Variants in KAZN observed in about 807,000 individuals in gnomAD.
The protein encoded by KAZN is kazrin.
In KAZN, 40 loss-of-function variants were observed where a neutral mutation model predicts 87.4. The observed-to-expected ratio is 0.46, with a 90% CI of 0.36 to 0.60. KAZN has a LOEUF of 0.60. Among genes scored for constraint, KAZN ranks in the 20% least tolerant of loss-of-function variants. KAZN has a pLI of 0.00. For synonymous variants in KAZN, 466 were observed against 458.3 expected (o/e 1.02, Z -0.22); for missense variants, 898 against 1,073.9 (o/e 0.84, Z 2.29).
intron 1 of KAZN, among the ~76,000 whole-genome samples, chr1:14,908,168 C>A (rs1389775624): frequency 1.3e-5 from 2 of 152,184 alleles, no homozygotes; most frequent in African/African-American, 4.8e-5. Context: ...GAGGCTGAGG[C>A]AGGAGGATCG....
Position 15,096,481 on chromosome 1 carries a change from C to T in KAZN, c.1547+1548C>T, listed in dbSNP as rs566250990. ...GCCCAGCCCCTGCCCCCGACAGCCTCGTCCCCCAGCATGGCCTGCACTTGT... is the reference window on the plus strand; with the variant it reads ...GCCCAGCCCCTGCCCCCGACAGCCTTGTCCCCCAGCATGGCCTGCACTTGT... On this transcript the variant is annotated intron_variant, in intron 10 of 14. Coordinates refer to ENST00000376030, the MANE Select transcript of KAZN (RefSeq NM_201628.3). The surrounding 1 kb of genome is among the most constrained non-coding windows in gnomAD (Gnocchi z 4.5). Among the ~76,000 whole-genome samples, 5 of 152,366 alleles carry T rather than the reference C, an allele frequency of 3.3e-5. No individual in the cohort carries two copies. The South Asian group carries it at 6.2e-4, about 19-fold the overall frequency.
chr1:14,877,338 C>G (rs12032652), intron 1 of KAZN, among the ~76,000 whole-genome samples: 1 of 152,260 alleles, frequency 6.6e-6, no homozygotes, highest in Non-Finnish European at 1.5e-5. Context: ...TCTAGAAGTT[C>G]CAGAAAAAGT....
At chr1:14,539,556 C>T (rs1672691460) in intron 2 of KAZN, among the ~76,000 whole-genome samples, 1 of 152,162 alleles carries the variant, frequency 6.6e-6, no homozygotes, top group South Asian at 2.1e-4. Context: ...TTTTCTGTAA[C>T]TCTAAAATTG....
Position 14,697,062 on chromosome 1 carries a change from C to T in KAZN, c.226+97839C>T, listed in dbSNP as rs117693475. Among the ~76,000 whole-genome samples the T allele has an allele frequency of 4.3e-3, 644 of 148,170 alleles. 18 individuals carry two copies. The South Asian group carries it at 0.047, about 11-fold the overall frequency. On this transcript the variant is annotated intron_variant, in intron 1 of 14. Transcript: ENST00000376030. ...CCCCAGCACTTTGGGAGGCTGAAAG[C>T]GGGAGGATTGCTTGAGCCCAGGAGT...
At chr1:14,081,255 G>GAGAT (rs553686033) in intron 1 of KAZN, among the ~76,000 whole-genome samples, 2 of 152,086 alleles carry the variant, frequency 1.3e-5, no homozygotes, top group Non-Finnish European at 2.9e-5. Flanking sequence ...AGCACTCCTG[G>GAGAT]AGATTAATCT....
At chr1:14,477,631 C>T (rs191475162) in intron 2 of KAZN, among the ~76,000 whole-genome samples, 4 of 152,250 alleles carry the variant, frequency 2.6e-5, no homozygotes, top group Non-Finnish European at 5.9e-5. Context: ...GCTCCTGGGC[C>T]CACTTGAGCC....
rs1674574012 is a variant in KAZN, at chr1:15,052,994, C to T, written c.727-3097C>T. Among the ~76,000 whole-genome samples the T allele has an allele frequency of 2.6e-5, 4 of 152,318 alleles. No homozygotes were observed. In the South Asian group the frequency reaches 6.2e-4, roughly 24 times the overall value. On this transcript the variant is annotated intron_variant, in intron 4 of 14. Transcript: ENST00000376030. ...CTTCCCGTGCTCCCTCCAAGGGCTG[C>T]CTGTTTCAGGGGCTGGCTTGTACAA...
At chr1:14,007,226 C>A (rs1319522666) in intron 1 of KAZN, among the ~76,000 whole-genome samples, 1 of 152,056 alleles carries the variant, frequency 6.6e-6, no homozygotes, top group Non-Finnish European at 1.5e-5. Flanking sequence ...TTCTAAAGTT[C>A]TTTCGTATAT....
chr1:14,485,504 C>A (rs1669301119), intron 2 of KAZN, among the ~76,000 whole-genome samples: 1 of 152,164 alleles, frequency 6.6e-6, no homozygotes. Context: ...GTTGCCATGG[C>A]AACACCCAGA....
At chr1:15,004,902 A>G (rs1395865685) in intron 2 of KAZN, among the ~76,000 whole-genome samples, 1 of 152,222 alleles carries the variant, frequency 6.6e-6, no homozygotes, top group Non-Finnish European at 1.5e-5. Flanking sequence ...TGGCACTTCA[A>G]GCACACTCGT....
intron 1 of KAZN, among the ~76,000 whole-genome samples, chr1:14,104,315 T>C (rs897576704): frequency 6.6e-6 from 1 of 152,186 alleles, no homozygotes; most frequent in African/African-American, 2.4e-5. Flanking sequence ...ACATCCCCCA[T>C]GCAAGCAGTG....
At chr1:14,987,674 G>A (rs1302926354) in intron 2 of KAZN, among the ~76,000 whole-genome samples, 1 of 152,192 alleles carries the variant, frequency 6.6e-6, no homozygotes, top group Non-Finnish European at 1.5e-5. Context: ...GATGGAGAGG[G>A]AGCAGGAGAT....
intron 1 of KAZN, among the ~76,000 whole-genome samples, chr1:14,082,931 C>G (rs866810528): frequency 1.3e-5 from 2 of 152,222 alleles, no homozygotes; most frequent in African/African-American, 2.4e-5. Flanking sequence ...CGTGGTGGCT[C>G]ACGCCTGTAA....
intron 1 of KAZN, among the ~76,000 whole-genome samples, chr1:13,906,483 C>T (rs186023920): frequency 1.3e-4 from 20 of 152,294 alleles, no homozygotes; most frequent in Admixed American, 2.6e-4. Context: ...GGCAGAAAGG[C>T]TGTACTACTG....
At chr1:14,813,509 CG>C (rs904334430) in intron 1 of KAZN, among the ~76,000 whole-genome samples, 12 of 152,160 alleles carry the variant, frequency 7.9e-5, no homozygotes, top group African/African-American at 2.9e-4. Context: ...ATCCTGGAAG[CG>C]GATCTTCTGG....
At chr1:13,902,820 T>G (rs1025179255) in intron 1 of KAZN, among the ~76,000 whole-genome samples, 12 of 152,236 alleles carry the variant, frequency 7.9e-5, no homozygotes, top group Non-Finnish European at 1.2e-4. Context: ...TGAACTATTA[T>G]GTATCAATCA....
chr1:15,101,060 C>T (rs1641038872), intron 10 of KAZN, among the ~76,000 whole-genome samples: 1 of 152,212 alleles, frequency 6.6e-6, no homozygotes, highest in African/African-American at 2.4e-5. Flanking sequence ...GCTCCCCGCC[C>T]CTGCGCCTTC....
rs938414943 is a variant in KAZN, at chr1:14,152,727, T to C, written c.92-27708T>C. Among the ~76,000 whole-genome samples, 9 of 152,350 alleles carry C rather than the reference T, an allele frequency of 5.9e-5. No homozygotes were observed. The South Asian group carries it at 1.7e-3, about 28-fold the overall frequency. ...ACCTAGGAGTGGGATTGCTGGATTGTATAGTAGCTCTAATTTTAGTTTTTT... is the reference window on the plus strand; with the variant it reads ...ACCTAGGAGTGGGATTGCTGGATTGCATAGTAGCTCTAATTTTAGTTTTTT... On this transcript the variant is annotated intron_variant, in intron 1 of 16. Coordinates refer to the KAZN transcript ENST00000636203.
Position 14,003,330 on chromosome 1 carries a change from AT to A in KAZN, c.91+109576del, listed in dbSNP as rs1436489497. ...TATGTATCCTGGAACTTAAAGTAAA[AT>A]TAAAAAAAAAAAAAAAGAAAATTAC... is the stretch of plus-strand genomic sequence containing the variant. On this transcript the variant is annotated intron_variant, in intron 1 of 16. Coordinates refer to the KAZN transcript ENST00000636203. 2.0e-5 allele frequency among the ~76,000 whole-genome samples: 3 copies of A among 148,484 alleles called. 1 individual carries two copies. In the South Asian group the frequency reaches 6.8e-4, roughly 34 times the overall value.
Sources: allele counts gnomAD v4.1 joint callset (sites outside exome capture counted in the v4.1 genomes callset), GRCh38; gene constraint gnomAD v4.1.1; non-coding constraint Gnocchi (gnomAD v3.1); transcripts MANE v1.5; gene names NCBI Gene and HGNC (gene_info 2026-07-23, HGNC 2026-07-21).